PNPT1: variants seen among roughly 807,000 people sequenced by gnomAD.
The protein encoded by PNPT1 is polyribonucleotide nucleotidyltransferase 1, mitochondrial.
Under a neutral mutation model 119.5 loss-of-function variants are expected in PNPT1, and 53 were observed. The observed-to-expected ratio is 0.44, with a 90% CI of 0.36 to 0.56. The LOEUF (loss-of-function observed/expected upper bound fraction) is 0.56, where lower values mean the gene tolerates loss of function less well. Among genes scored for constraint, PNPT1 ranks in the 20% least tolerant of loss-of-function variants. The pLI is 0.00. For missense variants in PNPT1, 948 were observed against 938.5 expected (o/e 1.01, Z -0.13); for synonymous variants, 357 against 322.1 (o/e 1.11, Z -1.16).
At chr2:55,678,291 C>T (rs1393907335) in intron 8 of PNPT1, among the ~76,000 whole-genome samples, 5 of 152,218 alleles carry the variant, frequency 3.3e-5, no homozygotes, top group Non-Finnish European at 7.3e-5. Context: ...TTATTCATGG[C>T]TTCCCCATTC....
intron 1 of PNPT1, among the ~76,000 whole-genome samples, chr2:55,688,880 G>A (rs1314185087): frequency 2.0e-5 from 3 of 152,180 alleles, no homozygotes; most frequent in South Asian, 2.1e-4. Flanking sequence ...TCAATTCAAT[G>A]AGGAAAGAGT....
chr2:55,648,418 T>C (rs1442142063), intron 18 of PNPT1, among the ~76,000 whole-genome samples: 2 of 152,254 alleles, frequency 1.3e-5, no homozygotes, highest in South Asian at 2.1e-4. Flanking sequence ...ACTGTCAAAC[T>C]GCCTTCTAAA....
chr2:55,656,442 A>G (rs1696391455), intron 15 of PNPT1, 71 bp from the exon 16 acceptor site: 2 of 1,335,288 alleles, frequency 1.5e-6, no homozygotes, highest in Non-Finnish European at 2.1e-6. Context: ...TATTACCAAA[A>G]TAATAAAACA....
At chr2:55,677,320 G>A (rs569953862) in intron 8 of PNPT1, among the ~76,000 whole-genome samples, 2 of 152,342 alleles carry the variant, frequency 1.3e-5, no homozygotes, top group South Asian at 2.1e-4. Flanking sequence ...TCTGCTGGGT[G>A]CAGTGGCTCA....
At chr2:55,646,152 G>T in intron 21 of PNPT1, 107 bp downstream of exon 21, 1 of 1,123,254 alleles carries the variant, frequency 8.9e-7, no homozygotes, top group Non-Finnish European at 1.3e-6. Context: ...TAAGTTATAT[G>T]AAATTCCACT....
Position 55,654,941 on chromosome 2 carries a change from A to G in PNPT1, c.1454T>C (p.Met485Thr), listed in dbSNP as rs138669964. The G allele has an allele frequency of 1.4e-5, 23 of 1,613,494 alleles. No individual in the cohort carries two copies. The highest frequency in any genetic ancestry group is 1.7e-5 in the Non-Finnish European group (20 of 1,179,652). ...TAAACTTCCGCCACATGCAGATGCC[A>G]TAGAAGATGACCCTATAGAAAGAAA... ...EVLESNGSSSMASACGGSLAL... is the reference protein window; with the variant it reads ...EVLESNGSSSTASACGGSLAL... Residue 485 changes from methionine (M) to threonine (T), a missense_variant, in exon 18 of 28, where the codon ATG becomes ACG. By Grantham distance (81) the Met-to-Thr change is moderately conservative. Transcript: ENST00000447944.
chr2:55,693,764 A>C lies in PNPT1; in HGVS notation c.60T>G (p.Pro20=), dbSNP rs139006874. 3.7e-6 allele frequency: 6 copies of C among 1,614,068 alleles called. No homozygotes were observed. Among genetic ancestry groups the C allele is most frequent in the Non-Finnish European group, 5.1e-6 (6 of 1,180,050 alleles). ...CCCGATCCCGCCGTGGCAGAAGGAA[A>C]GGACCATCGCTCAGGGGCCGGAGCC... ...CLRLRPLSDG[P]FLLPRRDRAL... Residue 20 remains proline, a synonymous_variant, in exon 1 of 28, where the codon CCT becomes CCG. Transcript: ENST00000447944.
At chr2:55,654,814 G>A (rs1696332332) in intron 18 of PNPT1, 86 bp downstream of exon 18, 5 of 1,251,410 alleles carry the variant, frequency 4.0e-6, no homozygotes, top group East Asian at 2.3e-5. Context: ...AGCCTCAAGT[G>A]AGCCTCCTGC....
At chr2:55,657,617 C>A (rs1259402010) in intron 15 of PNPT1, among the ~76,000 whole-genome samples, 1 of 151,148 alleles carries the variant, frequency 6.6e-6, no homozygotes, top group Non-Finnish European at 1.5e-5. Context: ...AACTCCTGAC[C>A]TCAGGTGATC....
intron 24 of PNPT1, 49 bp downstream of exon 24, chr2:55,643,270 A>G (rs1695890399): frequency 6.2e-7 from 1 of 1,613,232 alleles, no homozygotes; most frequent in Non-Finnish European, 8.5e-7. Context: ...AAAAAGTAGA[A>G]AAAACAAATA....
intron 25 of PNPT1, among the ~76,000 whole-genome samples, chr2:55,641,099 C>T (rs1296860362): frequency 1.3e-5 from 2 of 151,908 alleles, no homozygotes; most frequent in Non-Finnish European, 2.9e-5. Context: ...TGGCGCGCAC[C>T]TGTAATCCCA....
At chr2:55,646,351 A>T in intron 20 of PNPT1, 29 bp from the exon 21 acceptor site, 1 of 1,604,448 alleles carries the variant, frequency 6.2e-7, no homozygotes, top group Non-Finnish European at 8.5e-7. Context: ...ACAATTATAT[A>T]AATATTGACT....
At chr2:55,681,259 T>G (rs926659692) in intron 5 of PNPT1, among the ~76,000 whole-genome samples, 27 of 152,068 alleles carry the variant, frequency 1.8e-4, no homozygotes, top group Non-Finnish European at 4.4e-5. Flanking sequence ...AGACAAAAAT[T>G]AGCCGGGTGT....
chr2:55,656,165 G>A lies in PNPT1; in HGVS notation c.1407C>T (p.Thr469=), dbSNP rs760468911. 1 of 1,613,262 alleles carries A rather than the reference G, an allele frequency of 6.2e-7. No homozygotes were observed. The part of the protein sequence containing the change: ...YPVIPRDFPF[T]IRVTSEVLES... ...CTAGGACTTCAGATGTAACTCTTATGGTGAAAGGAAAATCTCGGGGAATAA... is the reference window on the plus strand; with the variant it reads ...CTAGGACTTCAGATGTAACTCTTATAGTGAAAGGAAAATCTCGGGGAATAA... Residue 469 remains threonine, a synonymous_variant, in exon 17 of 28, where the codon ACC becomes ACT. Coordinates refer to ENST00000447944, the MANE Select transcript of PNPT1 (RefSeq NM_033109.5).
chr2:55,678,626 T>C (rs561268822), intron 8 of PNPT1, among the ~76,000 whole-genome samples: 6 of 152,312 alleles, frequency 3.9e-5, no homozygotes, highest in African/African-American at 4.8e-5. Flanking sequence ...ATCTTGAGGA[T>C]AGCAGAGGAG....
intron 25 of PNPT1, among the ~76,000 whole-genome samples, chr2:55,640,974 C>T (rs1168949565): frequency 6.6e-6 from 1 of 152,010 alleles, no homozygotes; most frequent in Admixed American, 6.6e-5. Flanking sequence ...ACCTGTAATC[C>T]CAGCACTTTG....
chr2:55,679,605 C>T, intron 8 of PNPT1, 77 bp downstream of exon 8: 1 of 1,053,194 alleles, frequency 9.5e-7, no homozygotes, highest in Non-Finnish European at 1.4e-6. Context: ...AACATACACA[C>T]AGAGTTTAAA....
chr2:55,665,544 C>A (rs1403689217), intron 13 of PNPT1, among the ~76,000 whole-genome samples: 1 of 151,834 alleles, frequency 6.6e-6, no homozygotes, highest in Non-Finnish European at 1.5e-5. Context: ...ACACAGTAAA[C>A]CATATTAAAA....
intron 25 of PNPT1, among the ~76,000 whole-genome samples, chr2:55,642,024 TAGACA>T (rs1402257171): frequency 2.4e-4 from 36 of 152,154 alleles, no homozygotes; most frequent in African/African-American, 8.2e-4. Context: ...GTATTTTTAG[TAGACA>T]TGGGGTTTCA....
Sources: allele counts gnomAD v4.1 joint callset (sites outside exome capture counted in the v4.1 genomes callset), GRCh38; gene constraint gnomAD v4.1.1; transcripts MANE v1.5; gene names NCBI Gene and HGNC (gene_info 2026-07-23, HGNC 2026-07-21).